Variants in NBAS observed in about 807,000 individuals in gnomAD.
NBAS encodes NBAS subunit of NRZ tethering complex.
In NBAS, 219 loss-of-function variants were observed where a neutral mutation model predicts 302.5. That is an observed-to-expected ratio of 0.72 (90% CI 0.65 to 0.81). NBAS has a LOEUF of 0.81. Among genes scored for constraint, NBAS ranks in the 30% least tolerant of loss-of-function variants. The pLI, the probability that NBAS is intolerant of heterozygous loss-of-function variation, is 0.00. For missense variants in NBAS, 2,932 were observed against 2,841.6 expected (o/e 1.03, Z -0.72); for synonymous variants, 1,118 against 1,021.6 (o/e 1.09, Z -1.80).
intron 35 of NBAS, among the ~76,000 whole-genome samples, chr2:15,341,245 G>C (rs1297019884): frequency 1.3e-5 from 2 of 152,042 alleles, no homozygotes; most frequent in African/African-American, 4.8e-5. Flanking sequence ...AATTAACCGG[G>C]TATGGTGGCA....
intron 44 of NBAS, among the ~76,000 whole-genome samples, chr2:15,266,469 T>C (rs1669081639): frequency 6.6e-6 from 1 of 152,222 alleles, no homozygotes; most frequent in African/African-American, 2.4e-5. Context: ...CTCAAATCTC[T>C]CCTGCTATTG....
the NBAS span, among the ~76,000 whole-genome samples, chr2:15,134,110 C>A: frequency 6.7e-6 from 1 of 149,050 alleles, no homozygotes; most frequent in Non-Finnish European, 1.5e-5. Flanking sequence ...AAGTTTATGT[C>A]CCTCCCCAAA....
chr2:15,274,859 G>GA (rs1669495588), intron 44 of NBAS, among the ~76,000 whole-genome samples: 1 of 152,016 alleles, frequency 6.6e-6, no homozygotes, highest in South Asian at 2.1e-4. Flanking sequence ...CCGTTTCGTA[G>GA]GTTCAAGCAA....
chr2:15,344,282 G>A (rs2148277384), intron 35 of NBAS, among the ~76,000 whole-genome samples: 1 of 151,974 alleles, frequency 6.6e-6, no homozygotes, highest in South Asian at 2.1e-4. Flanking sequence ...ATAAGAAAAA[G>A]AGAGAAGAAT....
the NBAS span, among the ~76,000 whole-genome samples, chr2:15,006,766 A>G: frequency 6.6e-6 from 1 of 152,230 alleles, no homozygotes; most frequent in Non-Finnish European, 1.5e-5. Context: ...CAAAGAAGCC[A>G]ACTGGTTATG....
chr2:14,828,646 G>T, the NBAS span, among the ~76,000 whole-genome samples: 2 of 152,194 alleles, frequency 1.3e-5, no homozygotes, highest in Non-Finnish European at 2.9e-5. Flanking sequence ...TGAAAACAAG[G>T]TGATGAGTTG....
At chr2:15,450,135 A>T (rs565546777) in intron 21 of NBAS, among the ~76,000 whole-genome samples, 1 of 152,304 alleles carries the variant, frequency 6.6e-6, no homozygotes, top group Non-Finnish European at 1.5e-5. Context: ...CTTCTTTTTA[A>T]ATTTCAGGGA....
chr2:15,528,713 A>C (rs183048685), intron 9 of NBAS, among the ~76,000 whole-genome samples: 1 of 149,672 alleles, frequency 6.7e-6, no homozygotes, highest in Non-Finnish European at 1.5e-5. Flanking sequence ...ACAAAAATAC[A>C]AAAATTAGCC....
At chr2:15,442,767 A>T (rs1317520492) in intron 21 of NBAS, among the ~76,000 whole-genome samples, 1 of 151,916 alleles carries the variant, frequency 6.6e-6, no homozygotes, top group African/African-American at 2.4e-5. Context: ...AAGACTAATA[A>T]AGAAAAAAAG....
intron 38 of NBAS, among the ~76,000 whole-genome samples, chr2:15,325,952 C>A (rs1672044695): frequency 1.3e-5 from 2 of 152,038 alleles, no homozygotes; most frequent in South Asian, 4.2e-4. Context: ...TGCCTCATTT[C>A]AATATTGTTG....
chr2:15,415,632 T>G lies in NBAS; in HGVS notation c.2851A>C (p.Asn951His). Reference protein sequence around the residue: ...RCEKQSPGVANELLKEYLVTL... With the variant: ...RCEKQSPGVAHELLKEYLVTL... ...ACTAAATATTCTTTTAATAGCTCAT[T>G]AGCCACACCAGGCGACTGTTTCTCA... Residue 951 changes from asparagine (N) to histidine (H), a missense_variant, in exon 25 of 52, where the codon AAT (asparagine) becomes CAT (histidine). Coordinates refer to ENST00000281513, the MANE Select transcript of NBAS (RefSeq NM_015909.4). 6.2e-7 allele frequency: 1 copy of G among 1,614,094 alleles called. No homozygotes were observed. The highest frequency in any genetic ancestry group is 8.5e-7 in the Non-Finnish European group (1 of 1,179,960).
intron 7 of NBAS, among the ~76,000 whole-genome samples, chr2:15,537,288 G>A (rs1419545972): frequency 1.3e-5 from 2 of 152,182 alleles, no homozygotes; most frequent in East Asian, 1.9e-4. Flanking sequence ...ACCAGGAGGA[G>A]GAGATGGACT....
the NBAS span, among the ~76,000 whole-genome samples, chr2:15,117,119 G>C: frequency 6.6e-6 from 1 of 152,118 alleles, no homozygotes; most frequent in Non-Finnish European, 1.5e-5. Flanking sequence ...CTGTGGGTCT[G>C]TCTGACATAC....
chr2:14,828,022 AAC>A, the NBAS span, among the ~76,000 whole-genome samples: 4 of 152,196 alleles, frequency 2.6e-5, no homozygotes, highest in African/African-American at 7.2e-5. Flanking sequence ...AAAAATGAAA[AAC>A]ACAAAAACAT....
chr2:14,824,342 A>G, the NBAS span, among the ~76,000 whole-genome samples: 1 of 152,226 alleles, frequency 6.6e-6, no homozygotes, highest in Non-Finnish European at 1.5e-5. Context: ...CAGAAAAAGT[A>G]CAAATATATA....
At chr2:15,163,392 A>C (rs190173520), downstream of NBAS, among the ~76,000 whole-genome samples, 9 of 152,286 alleles carry the variant, frequency 5.9e-5, no homozygotes, top group Admixed American at 5.2e-4. Context: ...AAGAGATAAG[A>C]AGCCAGTGAC....
the NBAS span, among the ~76,000 whole-genome samples, chr2:15,011,959 C>A: frequency 6.6e-6 from 1 of 152,122 alleles, no homozygotes; most frequent in African/African-American, 2.4e-5. Flanking sequence ...TTGGAAGAGG[C>A]AACTGTTCCA....
At chr2:15,094,019 A>G in the NBAS span, among the ~76,000 whole-genome samples, 1 of 152,220 alleles carries the variant, frequency 6.6e-6, no homozygotes, top group Non-Finnish European at 1.5e-5. Flanking sequence ...TCAGAAAGTG[A>G]GTTGTATTCA....
At position 15,247,832 on chromosome 2, in the gene NBAS, A is replaced by G. The variant is rs190188085; in HGVS notation, c.5725-9146T>C. On this transcript the variant is annotated intron_variant, in intron 44 of 51. Coordinates refer to ENST00000281513, the MANE Select transcript of NBAS (RefSeq NM_015909.4). ...CAAGTTCCTAGAGACCTACAAAGAGACTTAGACTCCCACACAATAATAGTG... is the reference window on the plus strand; with the variant it reads ...CAAGTTCCTAGAGACCTACAAAGAGGCTTAGACTCCCACACAATAATAGTG... 7.9e-5 allele frequency among the ~76,000 whole-genome samples: 12 copies of G among 152,102 alleles called. No individual in the cohort carries two copies. The South Asian group carries it at 1.5e-3, about 19-fold the overall frequency.
Sources: allele counts gnomAD v4.1 joint callset (sites outside exome capture counted in the v4.1 genomes callset), GRCh38; gene constraint gnomAD v4.1.1; transcripts MANE v1.5; gene names NCBI Gene and HGNC (gene_info 2026-07-23, HGNC 2026-07-21).